EPHB1: variants seen among roughly 807,000 people sequenced by gnomAD.
EPHB1 encodes EPH receptor B1, also known as ephrin type-B receptor 1.
Under a neutral mutation model 94.4 loss-of-function variants are expected in EPHB1, and 30 were observed. The ratio of observed to expected loss-of-function variants is 0.32; its 90% CI spans 0.24 to 0.43. The LOEUF is 0.43. EPHB1 is among the 20% of genes least tolerant of loss of function. The pLI is 1.00. For missense variants in EPHB1, 1,055 were observed against 1,308.3 expected (o/e 0.81, Z 2.99); for synonymous variants, 522 against 489.1 (o/e 1.07, Z -0.89).
intron 3 of EPHB1, among the ~76,000 whole-genome samples, chr3:135,020,138 C>T (rs1238425677): frequency 6.6e-6 from 1 of 152,146 alleles, no homozygotes; most frequent in African/African-American, 2.4e-5. Flanking sequence ...AATGGTGTGT[C>T]AGTGTTTTAC....
intron 3 of EPHB1, among the ~76,000 whole-genome samples, chr3:134,968,416 G>T (rs1933844718): frequency 6.6e-6 from 1 of 152,114 alleles, no homozygotes; most frequent in East Asian, 1.9e-4. Flanking sequence ...AACATGATCT[G>T]GTTCATACGT....
intron 15 of EPHB1, among the ~76,000 whole-genome samples, chr3:135,253,590 G>A (rs1933228250): frequency 6.7e-6 from 1 of 150,172 alleles, no homozygotes; most frequent in Non-Finnish European, 1.5e-5. Flanking sequence ...TTTGGTACCA[G>A]TACCATGCTG....
At chr3:134,829,711 G>A (rs886760946) in intron 1 of EPHB1, among the ~76,000 whole-genome samples, 20 of 152,048 alleles carry the variant, frequency 1.3e-4, no homozygotes, top group Non-Finnish European at 2.8e-4. Flanking sequence ...TTGGAAATAG[G>A]GTCTGTGCAG....
intron 4 of EPHB1, among the ~76,000 whole-genome samples, chr3:135,113,147 TCCCCGCCCCATGCTGGC>T (rs890135457): frequency 2.0e-5 from 3 of 152,112 alleles, no homozygotes; most frequent in Admixed American, 6.5e-5. Context: ...TAGATTTGGG[TCCCCGCCCCATGCTGGC>T]CCCCGCCCCA....
chr3:134,809,250 G>A (rs1353883196), intron 1 of EPHB1, among the ~76,000 whole-genome samples: 2 of 152,058 alleles, frequency 1.3e-5, no homozygotes, highest in African/African-American at 4.8e-5. Flanking sequence ...TCTCATTTGA[G>A]AGAGAGAGTG....
intron 3 of EPHB1, among the ~76,000 whole-genome samples, chr3:135,000,826 C>G (rs113414875): frequency 1.2e-4 from 18 of 152,248 alleles, no homozygotes; most frequent in African/African-American, 3.6e-4. Flanking sequence ...AGTCCCAGTT[C>G]CATTGATTTT....
intron 1 of EPHB1, among the ~76,000 whole-genome samples, chr3:134,859,443 T>C (rs900206311): frequency 1.1e-4 from 17 of 152,182 alleles, no homozygotes; most frequent in African/African-American, 3.9e-4. Flanking sequence ...CCAAGGTGTG[T>C]AGCAGATCTG....
chr3:135,233,452 T>A (rs1943579316), intron 12 of EPHB1, among the ~76,000 whole-genome samples: 1 of 152,270 alleles, frequency 6.6e-6, no homozygotes, highest in Non-Finnish European at 1.5e-5. Flanking sequence ...CTTGGGCAAG[T>A]CTGCCTCTGA....
At chr3:135,104,314 A>G (rs1427165750) in intron 3 of EPHB1, among the ~76,000 whole-genome samples, 1 of 152,258 alleles carries the variant, frequency 6.6e-6, no homozygotes, top group South Asian at 2.1e-4. Flanking sequence ...AGGGACCGTA[A>G]TGAGTGGGCT....
intron 3 of EPHB1, among the ~76,000 whole-genome samples, chr3:134,964,780 G>A (rs4955461): frequency 0.49 from 74,124 of 151,886 alleles, 18,780 homozygotes; most frequent in African/African-American, 0.6. Flanking sequence ...CATTTATTCC[G>A]TTCTCTTGTC....
At chr3:134,996,365 T>C (rs1352379641) in intron 3 of EPHB1, among the ~76,000 whole-genome samples, 1 of 151,998 alleles carries the variant, frequency 6.6e-6, no homozygotes, top group South Asian at 2.1e-4. Flanking sequence ...AGCCAATTTT[T>C]TGTAGAGATG....
chr3:135,259,222 G>A lies in EPHB1; in HGVS notation c.*102G>A. 3.5e-6 allele frequency: 3 copies of A among 846,590 alleles called. No individual in the cohort carries two copies. Among genetic ancestry groups the A allele is most frequent in the Non-Finnish European group, 5.6e-6 (3 of 539,762 alleles). The allele number at this position is 846,590 out of a possible 1,614,324, so 52.4% of individuals were successfully genotyped here. ...ATGTACTGGAGAGACTGGCTTCTCA[G>A]CTGAGGAATGCATTTCCATCAGTGA... is the stretch of plus-strand genomic sequence containing the variant. On this transcript the variant is annotated 3_prime_UTR_variant, in exon 16 of 16. Transcript: ENST00000398015.
At position 135,180,089 on chromosome 3, in the gene EPHB1, C is replaced by T. The variant is rs971121462; in HGVS notation, c.1882+107C>T. The T allele has an allele frequency of 3.1e-6, 4 of 1,279,012 alleles. No homozygotes were observed. The Admixed American group carries it at 8.8e-5, about 28-fold the overall frequency. The allele number at this position is 1,279,012 out of a possible 1,614,324, so 79.2% of individuals were successfully genotyped here. A position where few individuals can be genotyped will look rare whatever the true frequency, so the allele number is the denominator to read the frequency against. ...ATGAAAAGCCCCATTAGGAGGAGAG[C>T]TTCTATCTTCTTTCTCCTCAGAAGA... On this transcript the variant is annotated intron_variant, in intron 10 of 15. Coordinates refer to ENST00000398015, the MANE Select transcript of EPHB1 (RefSeq NM_004441.5).
chr3:135,256,834 C>G (rs1041128249), intron 15 of EPHB1, among the ~76,000 whole-genome samples: 2 of 151,546 alleles, frequency 1.3e-5, no homozygotes, highest in Non-Finnish European at 2.9e-5. Context: ...TTCCATTCTC[C>G]CCATCACTTT....
intron 1 of EPHB1, among the ~76,000 whole-genome samples, chr3:134,875,478 C>T (rs368557815): frequency 9.2e-5 from 14 of 152,028 alleles, no homozygotes; most frequent in East Asian, 7.7e-4. Flanking sequence ...GAGTGAGGAG[C>T]GGTTGATGGC....
chr3:135,233,986 T>C (rs1397004318), intron 12 of EPHB1, among the ~76,000 whole-genome samples: 2 of 152,204 alleles, frequency 1.3e-5, no homozygotes. Context: ...TTTTCCCTCC[T>C]AGGCCTCCAG....
chr3:135,053,013 ATGTG>A (rs369600482), intron 3 of EPHB1, among the ~76,000 whole-genome samples: 1,950 of 71,346 alleles, frequency 0.027, 112 homozygotes, highest in African/African-American at 0.09. Context: ...GTGTATATAT[ATGTG>A]TGTGTGTGTG....
chr3:135,221,103 C>T (rs1943271527), intron 12 of EPHB1, among the ~76,000 whole-genome samples: 2 of 152,140 alleles, frequency 1.3e-5, no homozygotes. Context: ...TTGACATCCC[C>T]AATAAAATGA....
At chr3:134,843,253 A>G (rs12489463) in intron 1 of EPHB1, among the ~76,000 whole-genome samples, 42,036 of 152,136 alleles carry the variant, frequency 0.28, 7,456 homozygotes, top group African/African-American at 0.5. Flanking sequence ...AAAAGAAGTC[A>G]TATTAATCAC....
Sources: allele counts gnomAD v4.1 joint callset (sites outside exome capture counted in the v4.1 genomes callset), GRCh38; gene constraint gnomAD v4.1.1; transcripts MANE v1.5; gene names NCBI Gene and HGNC (gene_info 2026-07-23, HGNC 2026-07-21).